The following VPS13B variants were observed in gnomAD, a reference collection of about 807,000 sequenced individuals.
The protein encoded by VPS13B is vacuolar protein sorting 13 homolog B.
In VPS13B, 285 loss-of-function variants were observed where a neutral mutation model predicts 426.4. The ratio of observed to expected loss-of-function variants is 0.67; its 90% CI spans 0.61 to 0.74. The LOEUF is 0.74. VPS13B is among the 30% of genes least tolerant of loss of function. The probability of loss-of-function intolerance (pLI) is 0.00; values close to 1 mark genes in which losing one functional copy is unlikely to be tolerated. For synonymous variants in VPS13B, 1,676 were observed against 1,676.4 expected (o/e 1.00, Z 0.01); for missense variants, 4,537 against 4,782.6 (o/e 0.95, Z 1.51).
At chr8:99,133,093 T>G (rs1461867371) in intron 8 of VPS13B, among the ~76,000 whole-genome samples, 1 of 152,226 alleles carries the variant, frequency 6.6e-6, no homozygotes, top group Admixed American at 6.5e-5. Flanking sequence ...AGATGACATC[T>G]TCTTCCAGGA....
At chr8:99,109,641 A>ATC (rs1847256650) in intron 5 of VPS13B, among the ~76,000 whole-genome samples, 3 of 152,104 alleles carry the variant, frequency 2.0e-5, no homozygotes, top group Non-Finnish European at 1.5e-5. Flanking sequence ...GGCCTCCCAA[A>ATC]GTGCTGGGAT....
chr8:99,035,632 A>C (rs1250823801), intron 2 of VPS13B, among the ~76,000 whole-genome samples: 1 of 152,162 alleles, frequency 6.6e-6, no homozygotes, highest in Non-Finnish European at 1.5e-5. Flanking sequence ...TGCTTTGAAC[A>C]TGGGTGTGTG....
intron 33 of VPS13B, among the ~76,000 whole-genome samples, chr8:99,582,809 C>T (rs1211295747): frequency 1.3e-5 from 2 of 152,120 alleles, no homozygotes; most frequent in Admixed American, 6.5e-5. Context: ...GCGCCCGCCA[C>T]CACGCCCGGC....
chr8:99,271,278 C>T (rs1818592711), intron 17 of VPS13B, among the ~76,000 whole-genome samples: 1 of 151,822 alleles, frequency 6.6e-6, no homozygotes, highest in Admixed American at 6.6e-5. Flanking sequence ...TTTTTGGCAT[C>T]ATTTAATTTT....
At chr8:99,428,550 C>T (rs375856834) in intron 21 of VPS13B, among the ~76,000 whole-genome samples, 11 of 152,238 alleles carry the variant, frequency 7.2e-5, no homozygotes, top group African/African-American at 2.6e-4. Flanking sequence ...TCATCACTGG[C>T]CATCAGAGAA....
At chr8:99,162,209 A>G (rs937196038) in intron 15 of VPS13B, among the ~76,000 whole-genome samples, 2 of 152,110 alleles carry the variant, frequency 1.3e-5, no homozygotes, top group African/African-American at 4.8e-5. Context: ...TATAAAGTTT[A>G]TAGCAGTTCA....
At chr8:99,078,093 T>C (rs1845236538) in intron 3 of VPS13B, among the ~76,000 whole-genome samples, 1 of 152,020 alleles carries the variant, frequency 6.6e-6, no homozygotes, top group Non-Finnish European at 1.5e-5. Flanking sequence ...TTTTATAACC[T>C]TGTATTATTT....
At chr8:99,781,832 G>A (rs1812036436) in intron 42 of VPS13B, among the ~76,000 whole-genome samples, 2 of 152,210 alleles carry the variant, frequency 1.3e-5, no homozygotes, top group South Asian at 2.1e-4. Flanking sequence ...CTCAGGATGT[G>A]TAACTAAGTG....
At chr8:99,570,792 G>A (rs1825434852) in intron 31 of VPS13B, among the ~76,000 whole-genome samples, 1 of 151,912 alleles carries the variant, frequency 6.6e-6, no homozygotes, top group African/African-American at 2.4e-5. Context: ...TTTTGTCATT[G>A]AGGACATGTT....
At chr8:99,694,682 C>A (rs1259163232) in intron 35 of VPS13B, among the ~76,000 whole-genome samples, 2 of 145,130 alleles carry the variant, frequency 1.4e-5, no homozygotes, top group African/African-American at 2.6e-5. Flanking sequence ...GCAACAAAAG[C>A]CAAAATTGAC....
chr8:99,587,378 G>T (rs775177778), intron 33 of VPS13B, among the ~76,000 whole-genome samples: 2 of 151,774 alleles, frequency 1.3e-5, no homozygotes, highest in African/African-American at 4.9e-5. Context: ...TCTAGTTCTA[G>T]ATCCTTGAGG....
chr8:99,118,772 T>C (rs1306663626), intron 7 of VPS13B, among the ~76,000 whole-genome samples: 3 of 152,202 alleles, frequency 2.0e-5, no homozygotes, highest in African/African-American at 7.2e-5. Flanking sequence ...GTGAATATAC[T>C]ATAGTTTATT....
intron 16 of VPS13B, among the ~76,000 whole-genome samples, chr8:99,175,288 A>G (rs72672309): frequency 0.2 from 30,934 of 152,118 alleles, 3,663 homozygotes; most frequent in East Asian, 0.38. Context: ...GAACTGTGTG[A>G]GTTCAGTTTC....
At chr8:99,421,649 A>G (rs889103010) in intron 21 of VPS13B, among the ~76,000 whole-genome samples, 1 of 151,996 alleles carries the variant, frequency 6.6e-6, no homozygotes, top group Admixed American at 6.6e-5. Flanking sequence ...TGAAAATAGT[A>G]TATTTCCTGT....
rs967414590 is a variant in VPS13B, at chr8:99,699,432, G to C, written c.6047-93G>C. ...CTAATGAGTCCATAATATGGATCTT[G>C]GGACACTTTTATGTAGGAGCTTGTC... is the stretch of plus-strand genomic sequence containing the variant. On this transcript the variant is annotated intron_variant, in intron 35 of 61. Transcript: ENST00000357162. The C allele has an allele frequency of 2.2e-6, 3 of 1,379,470 alleles. No homozygotes were observed. The African/African-American group carries it at 4.3e-5, about 20-fold the overall frequency. 85.5% of individuals were successfully genotyped at this position (1,379,470 alleles called of 1,614,324 possible). A position where few individuals can be genotyped will look rare whatever the true frequency, so the allele number is the denominator to read the frequency against.
At chr8:99,549,581 GA>G (rs1461416455) in intron 30 of VPS13B, among the ~76,000 whole-genome samples, 1 of 152,096 alleles carries the variant, frequency 6.6e-6, no homozygotes, top group Non-Finnish European at 1.5e-5. Context: ...TGCTACTACA[GA>G]ATTTATGCAA....
intron 35 of VPS13B, among the ~76,000 whole-genome samples, chr8:99,666,227 G>A (rs1218007545): frequency 6.6e-6 from 1 of 152,084 alleles, no homozygotes; most frequent in Admixed American, 6.5e-5. Context: ...TCTACCAGAG[G>A]TACAAGGAGG....
chr8:99,286,125 A>G (rs1819429119), intron 19 of VPS13B, among the ~76,000 whole-genome samples: 1 of 152,104 alleles, frequency 6.6e-6, no homozygotes, highest in Admixed American at 6.6e-5. Context: ...TATTTATAGG[A>G]TTCCTTCCCC....
chr8:99,627,809 A>G (rs1828679492), intron 33 of VPS13B, among the ~76,000 whole-genome samples: 1 of 152,258 alleles, frequency 6.6e-6, no homozygotes. Flanking sequence ...GTTGACCTGT[A>G]GCATGGGCTG....
Sources: gnomAD v4.1 joint callset for allele counts (sites outside exome capture counted in the v4.1 genomes callset) on GRCh38, gnomAD v4.1.1 for gene constraint, MANE v1.5 for transcripts, NCBI Gene and HGNC (gene_info 2026-07-23, HGNC 2026-07-21) for gene names.